Variants in CSF1R observed in about 807,000 individuals in gnomAD.
CSF1R encodes the protein colony stimulating factor 1 receptor, also known as macrophage colony-stimulating factor 1 receptor.
A neutral mutation model predicts 110.0 loss-of-function variants in CSF1R; 40 were observed. That is an observed-to-expected ratio of 0.36 (90% CI 0.28 to 0.47). The LOEUF (loss-of-function observed/expected upper bound fraction) is 0.47, where lower values mean the gene tolerates loss of function less well. CSF1R is among the 20% of genes least tolerant of loss of function. CSF1R has a pLI of 0.99. For synonymous variants in CSF1R, 523 were observed against 503.4 expected (o/e 1.04, Z -0.52); for missense variants, 1,052 against 1,253.0 (o/e 0.84, Z 2.42).
At chr5:150,095,313 C>A (rs547825094) in intron 1 of CSF1R, among the ~76,000 whole-genome samples, 1 of 152,226 alleles carries the variant, frequency 6.6e-6, no homozygotes, top group South Asian at 2.1e-4. Flanking sequence ...ATCCACCTAA[C>A]AATTGCAGAA....
chr5:150,094,338 G>A, intron 1 of CSF1R: 1 of 1,599,578 alleles, frequency 6.3e-7, no homozygotes, highest in African/African-American at 1.3e-5. Context: ...GGAGGTTCCT[G>A]CTGTGCCAGA....
chr5:150,088,006 G>A (rs1421442905), upstream of CSF1R, among the ~76,000 whole-genome samples: 1 of 152,106 alleles, frequency 6.6e-6, no homozygotes, highest in East Asian at 1.9e-4. Flanking sequence ...AAAGTACTGG[G>A]ATTATAGGTA....
Position 150,083,349 on chromosome 5 carries a change from AACACACACACACACAC to A in CSF1R, c.50-2341_50-2326del, listed in dbSNP as rs59055324. The stretch of plus-strand genomic sequence containing the variant: ...GCCCCAATCTCTACTCTTCTCTCCC[AACACACACACACACAC>A]ACACACACACACACACACACACACA... On this transcript the variant is annotated intron_variant, in intron 1 of 20. Transcript: ENST00000675795. 2.5e-3 allele frequency among the ~76,000 whole-genome samples: 268 copies of A among 106,384 alleles called. 1 individual carries two copies. Among genetic ancestry groups the A allele is most frequent in the Middle Eastern group, 9.3e-3 (2 of 214 alleles). 69.8% of individuals were successfully genotyped at this position (106,384 alleles called of 152,430 possible). A position where few individuals can be genotyped will look rare whatever the true frequency, so the allele number is the denominator to read the frequency against.
chr5:150,064,012 G>A (rs1232026461), intron 10 of CSF1R, among the ~76,000 whole-genome samples: 2 of 152,198 alleles, frequency 1.3e-5, no homozygotes, highest in Non-Finnish European at 2.9e-5. Context: ...GCAACGTGGT[G>A]CAGCTGAAGG....
chr5:150,082,314 C>G (rs1758588004), intron 1 of CSF1R, among the ~76,000 whole-genome samples: 1 of 152,280 alleles, frequency 6.6e-6, no homozygotes, highest in Non-Finnish European at 1.5e-5. Flanking sequence ...GAAATTCCCC[C>G]TGCCCCACCA....
chr5:150,054,031 T>G lies in CSF1R; in HGVS notation c.*38A>C. Reference sequence around the variant, plus strand: ...CCCCATCCATGGAGGAGTTGAAGTTTGTGGGAGGGGAGAGTGGTACTCCCT... The same window carrying G: ...CCCCATCCATGGAGGAGTTGAAGTTGGTGGGAGGGGAGAGTGGTACTCCCT... On this transcript the variant is annotated 3_prime_UTR_variant, in exon 21 of 21. Coordinates refer to ENST00000675795, the MANE Select transcript of CSF1R (RefSeq NM_001288705.3). 1 of 1,604,204 alleles carries G rather than the reference T, an allele frequency of 6.2e-7. No individual in the cohort carries two copies. The highest frequency in any genetic ancestry group is 8.5e-7 in the Non-Finnish European group (1 of 1,172,872).
chr5:150,102,163 C>T (rs1404026113), intron 1 of CSF1R, among the ~76,000 whole-genome samples: 2 of 152,070 alleles, frequency 1.3e-5, no homozygotes, highest in African/African-American at 2.4e-5. Flanking sequence ...GAAGTGGGAT[C>T]GCCGGGTCAA....
At position 150,081,238 on chromosome 5, in the gene CSF1R, C is replaced by T. The variant is rs73275670; in HGVS notation, c.50-214G>A. 0.032 allele frequency among the ~76,000 whole-genome samples: 4,887 copies of T among 152,176 alleles called. 277 individuals are homozygous for T. The highest frequency in any genetic ancestry group is 0.11 in the African/African-American group (4,640 of 41,470). The stretch of plus-strand genomic sequence containing the variant: ...TGTCTCTGATGTCCAGGAGGTCCCT[C>T]CTCTGAGAAAGGGGGCTTGCAGCTT... On this transcript the variant is annotated intron_variant, in intron 1 of 20. Coordinates refer to ENST00000675795, the MANE Select transcript of CSF1R (RefSeq NM_001288705.3).
chr5:150,100,849 A>G (rs1352534513), intron 1 of CSF1R, among the ~76,000 whole-genome samples: 3 of 152,238 alleles, frequency 2.0e-5, no homozygotes, highest in Admixed American at 1.3e-4. Context: ...AGTAAAAAGT[A>G]GTATTTATAT....
chr5:150,073,268 C>T lies in CSF1R; in HGVS notation c.1082+33G>A, dbSNP rs41532844. 175 of 1,586,786 alleles carry T rather than the reference C, an allele frequency of 1.1e-4. 2 individuals carry two copies. The East Asian group carries it at 1.4e-3, about 12-fold the overall frequency. On this transcript the variant is annotated intron_variant, in intron 6 of 20. Coordinates refer to ENST00000675795, the MANE Select transcript of CSF1R (RefSeq NM_001288705.3). ...GCTGAAGCATACCCCATCTGGTTGT[C>T]GGGCTGTGTAGACGGGAGCTGATAA...
upstream of CSF1R, among the ~76,000 whole-genome samples, chr5:150,089,686 G>A (rs1168820790): frequency 6.6e-6 from 1 of 152,168 alleles, no homozygotes; most frequent in Non-Finnish European, 1.5e-5. Flanking sequence ...CTGCAGAAAT[G>A]GAAAAGCTGA....
intron 1 of CSF1R, chr5:150,094,188 A>G (rs1323794953): frequency 3.2e-6 from 2 of 622,184 alleles, no homozygotes; most frequent in African/African-American, 1.8e-5. Flanking sequence ...ATTTCCAGGC[A>G]TAATGAGGGA....
chr5:150,090,228 C>T (rs1758995920), upstream of CSF1R, among the ~76,000 whole-genome samples: 1 of 152,108 alleles, frequency 6.6e-6, no homozygotes, highest in South Asian at 2.1e-4. Flanking sequence ...AGAATAAAAA[C>T]ACACAGAATG....
chr5:150,054,937 C>T (rs544283992), intron 19 of CSF1R: 52 of 324,012 alleles, frequency 1.6e-4, no homozygotes, highest in Middle Eastern at 9.3e-4. Flanking sequence ...CTGCAGTGAG[C>T]TATGATTGCA....
At chr5:150,054,582 T>C (rs751008820) in intron 19 of CSF1R, 152 bp from the exon 20 acceptor site, 17 of 613,266 alleles carry the variant, frequency 2.8e-5, no homozygotes, top group Non-Finnish European at 4.5e-5. Flanking sequence ...TGGCATGCTT[T>C]ACCATTTAAT....
At position 150,069,866 on chromosome 5, in the gene CSF1R, C is replaced by A; in HGVS notation, c.1510+7G>T. On this transcript the variant is annotated splice_region_variant and intron_variant, in intron 9 of 20. Transcript: ENST00000675795. ...GGGGCGGTGCGGGTGCGAAGGCTCCCTCTCACCTGCAGAGATGGGTATGAA... is the reference window on the plus strand; with the variant it reads ...GGGGCGGTGCGGGTGCGAAGGCTCCATCTCACCTGCAGAGATGGGTATGAA... 6.3e-7 allele frequency: 1 copy of A among 1,599,968 alleles called. No individual in the cohort carries two copies. The highest frequency in any genetic ancestry group is 8.5e-7 in the Non-Finnish European group (1 of 1,170,770).
chr5:150,061,761 T>C lies in CSF1R; in HGVS notation c.1715A>G (p.Asn572Ser). 1.2e-6 allele frequency: 2 copies of C among 1,614,148 alleles called. No individual in the cohort carries two copies. The highest frequency in any genetic ancestry group is 1.7e-6 in the Non-Finnish European group (2 of 1,180,024). The change falls in exon 11 of 21, where the codon AAC (asparagine) becomes AGC (serine). Residue 572 changes from asparagine to serine, a missense_variant. By Grantham distance (46) the Asn-to-Ser change is conservative (BLOSUM62 1). Coordinates refer to ENST00000675795, the MANE Select transcript of CSF1R (RefSeq NM_001288705.3). ...GTTCCGGGGGAACTCCCACTTCTCGTTGTAAGGCAGCTGCGTGGGGTCGAT... is the reference window on the plus strand; with the variant it reads ...GTTCCGGGGGAACTCCCACTTCTCGCTGTAAGGCAGCTGCGTGGGGTCGAT... ...TFIDPTQLPY[N>S]EKWEFPRNNL...
intron 1 of CSF1R, among the ~76,000 whole-genome samples, chr5:150,105,376 ATATATATATT>A (rs1247167627): frequency 1.1e-5 from 1 of 93,426 alleles, no homozygotes; most frequent in African/African-American, 4.7e-5. Context: ...ATATATATAT[ATATATATATT>A]TTTTTTTTTT....
At chr5:150,061,382 AG>A in intron 12 of CSF1R, 108 bp downstream of exon 12, 2 of 961,320 alleles carry the variant, frequency 2.1e-6, no homozygotes, top group South Asian at 1.6e-5. Flanking sequence ...TCTGTCCCCC[AG>A]GCTTCAACAG....
Sources: gnomAD v4.1 joint callset for allele counts (sites outside exome capture counted in the v4.1 genomes callset) on GRCh38, gnomAD v4.1.1 for gene constraint, MANE v1.5 for transcripts, NCBI Gene and HGNC (gene_info 2026-07-23, HGNC 2026-07-21) for gene names.